TOX2: variants seen among roughly 807,000 people sequenced by gnomAD.
TOX2 encodes the protein granulosa cell HMG box 1.
A neutral mutation model predicts 47.4 loss-of-function variants in TOX2; 15 were observed. The observed-to-expected ratio is 0.32, with a 90% CI of 0.21 to 0.49. The LOEUF (loss-of-function observed/expected upper bound fraction) is 0.49, where lower values mean the gene tolerates loss of function less well. Among genes scored for constraint, TOX2 ranks in the 20% least tolerant of loss-of-function variants. TOX2 has a pLI of 0.99. For missense variants in TOX2, 622 were observed against 673.1 expected, an observed-to-expected ratio of 0.92 and a Z score of 0.84; for synonymous variants, 290 against 296.6, an observed-to-expected ratio of 0.98 and a Z score of 0.23.
chr20:43,966,018 AT>A (rs1222860135), intron 1 of TOX2, among the ~76,000 whole-genome samples: 1 of 152,254 alleles, frequency 6.6e-6, no homozygotes, highest in Non-Finnish European at 1.5e-5. Flanking sequence ...AACAATGATA[AT>A]AGGTAACATT....
At chr20:43,970,248 T>C (rs1024494885) in intron 1 of TOX2, among the ~76,000 whole-genome samples, 4 of 152,236 alleles carry the variant, frequency 2.6e-5, no homozygotes, top group Non-Finnish European at 5.9e-5. Context: ...ATCTGTTTGC[T>C]TGGTTTTAGC....
chr20:44,047,973 T>C (rs2071437947), intron 3 of TOX2, among the ~76,000 whole-genome samples: 1 of 151,916 alleles, frequency 6.6e-6, no homozygotes, highest in Non-Finnish European at 1.5e-5. Context: ...AATCTCAGCA[T>C]TTTGGGAGGC....
chr20:44,019,506 G>A (rs1600743709), intron 3 of TOX2, among the ~76,000 whole-genome samples: 1 of 152,264 alleles, frequency 6.6e-6, no homozygotes, highest in African/African-American at 2.4e-5. Flanking sequence ...GAGTGTGGGT[G>A]TTGGTCAAAG....
chr20:44,053,439 TACACACACACACACAC>T lies in TOX2; in HGVS notation c.652-842_652-827del, dbSNP rs111951284. On this transcript the variant is annotated intron_variant, in intron 4 of 8. Transcript: ENST00000341197. Reference sequence around the variant, plus strand: ...GCTCACAAGTGGGAGGGCAGATATATACACACACACACACACACACACACACACACACATATATATA... The same window carrying T: ...GCTCACAAGTGGGAGGGCAGATATATACACACACACACACACATATATATA... 2.5e-3 allele frequency among the ~76,000 whole-genome samples: 357 copies of T among 143,142 alleles called. 1 individual carries two copies. Among genetic ancestry groups the T allele is most frequent in the African/African-American group, 7.9e-3 (300 of 37,840 alleles). The allele number at this position is 143,142 out of a possible 152,430, so 93.9% of individuals were successfully genotyped here. A position where few individuals can be genotyped will look rare whatever the true frequency, so the allele number is the denominator to read the frequency against.
At chr20:43,996,652 C>CT (rs1262740237) in intron 2 of TOX2, among the ~76,000 whole-genome samples, 1 of 151,180 alleles carries the variant, frequency 6.6e-6, no homozygotes, top group Non-Finnish European at 1.5e-5. Context: ...TTTTTTCTTG[C>CT]TTGGGTGTGT....
chr20:43,996,857 A>G (rs955630891), intron 2 of TOX2, among the ~76,000 whole-genome samples: 3 of 152,162 alleles, frequency 2.0e-5, no homozygotes, highest in Admixed American at 2.0e-4. Context: ...CTTTCTGCAG[A>G]TCAACAATGT....
intron 1 of TOX2, among the ~76,000 whole-genome samples, chr20:43,922,670 T>C (rs1208978173): frequency 6.6e-6 from 1 of 152,240 alleles, no homozygotes; most frequent in Non-Finnish European, 1.5e-5. Flanking sequence ...GAAATGATGT[T>C]GTATGACACA....
At chr20:43,981,517 T>C (rs2070168659) in intron 2 of TOX2, among the ~76,000 whole-genome samples, 1 of 152,094 alleles carries the variant, frequency 6.6e-6, no homozygotes, top group African/African-American at 2.4e-5. Context: ...TGTACCTCTG[T>C]GTGTGTGTGC....
intron 2 of TOX2, among the ~76,000 whole-genome samples, chr20:43,987,315 G>A (rs1409583547): frequency 6.6e-6 from 1 of 152,142 alleles, no homozygotes; most frequent in Non-Finnish European, 1.5e-5. Flanking sequence ...CACATGAACA[G>A]GCAAAACTAA....
chr20:43,928,961 C>A (rs558226457), intron 1 of TOX2, among the ~76,000 whole-genome samples: 2 of 139,522 alleles, frequency 1.4e-5, no homozygotes, highest in South Asian at 4.6e-4. Flanking sequence ...ATGGTGAAAC[C>A]CTGTCTCTAC....
intron 3 of TOX2, among the ~76,000 whole-genome samples, chr20:44,008,283 A>C (rs1420075533): frequency 6.6e-6 from 1 of 151,974 alleles, no homozygotes; most frequent in Non-Finnish European, 1.5e-5. Context: ...ATTTGAGGCC[A>C]GGCATGGTGG....
At chr20:43,947,395 G>C (rs983935950) in intron 1 of TOX2, among the ~76,000 whole-genome samples, 3 of 152,224 alleles carry the variant, frequency 2.0e-5, no homozygotes, top group African/African-American at 7.2e-5. Flanking sequence ...ACTTTGCCTG[G>C]TGTGTGGAAG....
Position 44,053,092 on chromosome 20 carries a change from C to T in TOX2, c.652-1207C>T, listed in dbSNP as rs79954875. Among the ~76,000 whole-genome samples, 1,060 of 152,334 alleles carry T rather than the reference C, an allele frequency of 7.0e-3. 15 individuals are homozygous for T. Among genetic ancestry groups the T allele is most frequent in the African/African-American group, 0.024 (1,013 of 41,568 alleles). On this transcript the variant is annotated intron_variant, in intron 4 of 8. Transcript: ENST00000341197. ...GCTCCTAGAGCCAGAGTCTTCACTA[C>T]AGGGTCCAGGGCTTTTGACCAAAGT... is the stretch of plus-strand genomic sequence containing the variant.
rs148369651 is a variant in TOX2, at chr20:43,944,907, T to C, written c.100-28460T>C. Among the ~76,000 whole-genome samples, 205 of 152,346 alleles carry C rather than the reference T, an allele frequency of 1.3e-3. 1 individual carries two copies. Among genetic ancestry groups the C allele is most frequent in the African/African-American group, 4.6e-3 (193 of 41,578 alleles). ...GAGCTAGGATTCGAACCCAGCTCTG[T>C]CTTATTTCAAAGTCTGCCTTCTTCA... On this transcript the variant is annotated intron_variant, in intron 1 of 8. Transcript: ENST00000341197.
chr20:44,034,885 CAT>C (rs1160967475), intron 3 of TOX2, among the ~76,000 whole-genome samples: 1 of 152,228 alleles, frequency 6.6e-6, no homozygotes, highest in African/African-American at 2.4e-5. Flanking sequence ...AAACTTAACA[CAT>C]GTCTGCCTGT....
At position 43,918,871 on chromosome 20, in the gene TOX2, C is replaced by G. The variant is rs151075529; in HGVS notation, c.99+3881C>G. 7.9e-5 allele frequency among the ~76,000 whole-genome samples: 12 copies of G among 152,282 alleles called. No individual in the cohort carries two copies. In the East Asian group the frequency reaches 2.3e-3, roughly 29 times the overall value. Reference sequence around the variant, plus strand: ...CTGAGTCTTGGTGTTCTCTCAAAGACAACATTGCCTACCTCTGAGTTTCAG... The same window carrying G: ...CTGAGTCTTGGTGTTCTCTCAAAGAGAACATTGCCTACCTCTGAGTTTCAG... On this transcript the variant is annotated intron_variant, in intron 1 of 8. Transcript: ENST00000341197.
At position 43,914,942 on chromosome 20, in the gene TOX2, G is replaced by C; in HGVS notation, c.51G>C (p.Gly17=). ...PSAPAVGARP[G]AEPAGLAHLD... is the part of the protein sequence containing the mutation. ...CGCCCGCGGTGGGCGCGCGGCCCGG[G>C]GCCGAGCCGGCCGGCCTGGCGCACC... is the stretch of plus-strand genomic sequence containing the variant. Residue 17 remains glycine (G), a synonymous_variant, in exon 1 of 9, where the codon GGG becomes GGC. Transcript: ENST00000341197. This position sits in a 1 kb window ranked among gnomAD's most constrained non-coding sequence, Gnocchi z 4.5. 8.0e-7 allele frequency: 1 copy of C among 1,243,132 alleles called. No homozygotes were observed. The allele number at this position is 1,243,132 out of a possible 1,614,324, so 77.0% of individuals were successfully genotyped here. A position where few individuals can be genotyped will look rare whatever the true frequency, so the allele number is the denominator to read the frequency against.
intron 2 of TOX2, among the ~76,000 whole-genome samples, chr20:43,991,218 C>G (rs545936109): frequency 1.7e-3 from 261 of 152,296 alleles, no homozygotes; most frequent in Admixed American, 4.6e-3. Context: ...GACAAGGAAC[C>G]AGGAGACCCC....
At chr20:43,956,006 G>A (rs577489248) in intron 1 of TOX2, among the ~76,000 whole-genome samples, 2 of 149,332 alleles carry the variant, frequency 1.3e-5, no homozygotes, top group South Asian at 2.1e-4. Context: ...ATCTTGCACC[G>A]CCTTACTATT....
Sources: gnomAD v4.1 joint callset for allele counts (sites outside exome capture counted in the v4.1 genomes callset) on GRCh38, gnomAD v4.1.1 for gene constraint, Gnocchi (gnomAD v3.1) non-coding constraint, MANE v1.5 for transcripts, NCBI Gene and HGNC (gene_info 2026-07-23, HGNC 2026-07-21) for gene names.